The following POU2F1 variants were observed in gnomAD, a reference collection of about 807,000 sequenced individuals.
POU2F1 encodes the protein POU domain, class 2, transcription factor 1.
Under a neutral mutation model 84.9 loss-of-function variants are expected in POU2F1, and 16 were observed. That is an observed-to-expected ratio of 0.19 (90% CI 0.13 to 0.29). The LOEUF is 0.29. POU2F1 is among the 10% of genes least tolerant of loss of function. The pLI is 1.00. For synonymous variants in POU2F1, 368 were observed against 368.3 expected, an observed-to-expected ratio of 1.00 and a Z score of 0.01; for missense variants, 738 against 942.6, an observed-to-expected ratio of 0.78 and a Z score of 2.84.
chr1:167,260,830 T>C (rs1191626509), intron 1 of POU2F1, among the ~76,000 whole-genome samples: 2 of 152,180 alleles, frequency 1.3e-5, no homozygotes, highest in Non-Finnish European at 2.9e-5. Context: ...TAGCAGTTTT[T>C]GGGTTGCTCA....
intron 1 of POU2F1, among the ~76,000 whole-genome samples, chr1:167,270,716 C>A (rs1652310734): frequency 6.6e-6 from 1 of 152,196 alleles, no homozygotes; most frequent in Non-Finnish European, 1.5e-5. Context: ...TGAACTGTGG[C>A]ATTTTTGCTG....
chr1:167,221,255 C>T (rs1363196068), intron 1 of POU2F1, among the ~76,000 whole-genome samples: 1 of 151,218 alleles, frequency 6.6e-6, no homozygotes, highest in Non-Finnish European at 1.5e-5. Context: ...ACCGGCCCTC[C>T]TCCTCTGCCG....
intron 13 of POU2F1, among the ~76,000 whole-genome samples, chr1:167,403,304 A>G (rs1376404986): frequency 6.6e-6 from 1 of 152,176 alleles, no homozygotes; most frequent in East Asian, 1.9e-4. Flanking sequence ...GCAGTACAGT[A>G]TTTGATTGCA....
At chr1:167,229,389 A>G (rs150144622) in intron 1 of POU2F1, among the ~76,000 whole-genome samples, 1 of 152,196 alleles carries the variant, frequency 6.6e-6, no homozygotes, top group African/African-American at 2.4e-5. Flanking sequence ...GGTGGGTCTT[A>G]TTGGGTTGTA....
Position 167,220,972 on chromosome 1 carries a change from C to T in POU2F1, c.61+14C>T. On this transcript the variant is annotated intron_variant, in intron 1 of 15. Transcript: ENST00000367866. ...CAGCAGCAGCAGGTAATCATTACAGCATTTTACATATTCATATTCATACTC... is the reference window on the plus strand; with the variant it reads ...CAGCAGCAGCAGGTAATCATTACAGTATTTTACATATTCATATTCATACTC... 6.5e-7 allele frequency: 1 copy of T among 1,533,052 alleles called. No individual in the cohort carries two copies. The highest frequency in any genetic ancestry group is 8.7e-7 in the Non-Finnish European group (1 of 1,144,774). 95.0% of individuals were successfully genotyped at this position (1,533,052 alleles called of 1,614,324 possible).
At position 167,355,738 on chromosome 1, in the gene POU2F1, C is replaced by T. The variant is rs1307008753; in HGVS notation, c.128-9729C>T. Among the ~76,000 whole-genome samples the T allele has an allele frequency of 2.6e-5, 4 of 152,110 alleles. No homozygotes were observed. The South Asian group carries it at 6.2e-4, about 24-fold the overall frequency. ...CTGGTGTCAAACTCCTGGCCTTAAG[C>T]GATCCTCCCACCTCTCAAATCTCTG... is the stretch of plus-strand genomic sequence containing the variant. On this transcript the variant is annotated intron_variant, in intron 2 of 15. Transcript: ENST00000367866.
At chr1:167,402,583 G>A (rs1396511857) in intron 13 of POU2F1, among the ~76,000 whole-genome samples, 2 of 152,122 alleles carry the variant, frequency 1.3e-5, no homozygotes, top group African/African-American at 4.8e-5. Context: ...ACACAAAATA[G>A]ACATATACAC....
chr1:167,365,512 T>C lies in POU2F1; in HGVS notation c.173T>C (p.Val58Ala). The change falls in exon 3 of 16, where the codon GTA (valine) becomes GCA (alanine). Residue 58 changes from valine to alanine, a missense_variant. By Grantham distance (64) the Val-to-Ala change is moderately conservative. This residue lies in a region of POU2F1 where 161 missense variants were observed against 147.0 expected (regional missense o/e 1.10). Transcript: ENST00000367866. ...GACTTTCAGAAGCAGCCTGTGCCTG[T>C]AGGAGGAGCAATCTCAACAGCCCAG... The part of the protein sequence containing the change: ...GLDFQKQPVP[V>A]GGAISTAQAQ... 6.2e-7 allele frequency: 1 copy of C among 1,604,060 alleles called. No homozygotes were observed. The highest frequency in any genetic ancestry group is 1.3e-5 in the African/African-American group (1 of 74,512).
At chr1:167,340,935 A>T (rs946898151) in intron 2 of POU2F1, among the ~76,000 whole-genome samples, 1 of 152,130 alleles carries the variant, frequency 6.6e-6, no homozygotes, top group Non-Finnish European at 1.5e-5. Flanking sequence ...TCTAGCTGGG[A>T]GGATCAGAGA....
At chr1:167,281,962 G>A (rs184399710) in intron 1 of POU2F1, among the ~76,000 whole-genome samples, 171 of 151,910 alleles carry the variant, frequency 1.1e-3, no homozygotes, top group African/African-American at 3.8e-3. Flanking sequence ...ATGTTACTTA[G>A]TACCAAGGCT....
At chr1:167,239,752 C>T (rs1202768107) in intron 1 of POU2F1, among the ~76,000 whole-genome samples, 1 of 152,050 alleles carries the variant, frequency 6.6e-6, no homozygotes, top group Non-Finnish European at 1.5e-5. Flanking sequence ...GGTAGAAGGG[C>T]CAGATGGTGT....
intron 7 of POU2F1, chr1:167,380,828 CTG>C (rs1449705003): frequency 1.3e-5 from 2 of 152,268 alleles, no homozygotes; most frequent in East Asian, 3.9e-4. Context: ...GATTATATAA[CTG>C]TAACTGTCTA....
chr1:167,383,451 G>T (rs1193137207), intron 7 of POU2F1: 1 of 154,266 alleles, frequency 6.5e-6, no homozygotes, highest in Non-Finnish European at 1.4e-5. Context: ...TTGATAAAGA[G>T]AACTTGAAAA....
intron 10 of POU2F1, chr1:167,396,686 AAC>A (rs34119749): frequency 0.083 from 26,295 of 317,578 alleles, 530 homozygotes; most frequent in African/African-American, 0.16. Flanking sequence ...CAGGATTAGG[AAC>A]ACACACACAC....
At chr1:167,322,402 G>C (rs1396934851) in intron 1 of POU2F1, among the ~76,000 whole-genome samples, 1 of 152,186 alleles carries the variant, frequency 6.6e-6, no homozygotes, top group Non-Finnish European at 1.5e-5. Context: ...ATTTAAACTA[G>C]ACATACCTAG....
At chr1:167,258,726 A>T (rs1398279812) in intron 1 of POU2F1, among the ~76,000 whole-genome samples, 1 of 152,256 alleles carries the variant, frequency 6.6e-6, no homozygotes, top group Non-Finnish European at 1.5e-5. Context: ...AGAGAGAACA[A>T]ATTACCATGT....
intron 1 of POU2F1, 115 bp from the exon 2 acceptor site, chr1:167,332,355 T>A (rs1657130176): frequency 1.4e-6 from 1 of 689,660 alleles, no homozygotes; most frequent in Admixed American, 2.5e-5. Context: ...TGGGTCTTCT[T>A]AAACTATATG....
chr1:167,355,541 CAGAG>C (rs1264942628), intron 2 of POU2F1, among the ~76,000 whole-genome samples: 1 of 152,138 alleles, frequency 6.6e-6, no homozygotes, highest in Non-Finnish European at 1.5e-5. Flanking sequence ...AAAAAAAAGA[CAGAG>C]AGAAAATAAT....
chr1:167,246,966 G>A (rs1486209313), intron 1 of POU2F1, among the ~76,000 whole-genome samples: 1 of 151,740 alleles, frequency 6.6e-6, no homozygotes, highest in African/African-American at 2.4e-5. Context: ...TAAATAAATT[G>A]GTAACTATGA....
Sources: allele counts gnomAD v4.1 joint callset (sites outside exome capture counted in the v4.1 genomes callset), GRCh38; gene constraint gnomAD v4.1.1; regional missense constraint gnomAD v4.1.1; transcripts MANE v1.5; gene names NCBI Gene and HGNC (gene_info 2026-07-23, HGNC 2026-07-21).